Variants in TPP2 observed in about 807,000 individuals in gnomAD.
TPP2 encodes tripeptidyl-peptidase 2.
Under a neutral mutation model 155.9 loss-of-function variants are expected in TPP2, and 34 were observed. The ratio of observed to expected loss-of-function variants is 0.22; its 90% CI spans 0.17 to 0.29. The LOEUF is 0.29. Among genes scored for constraint, TPP2 ranks in the 10% least tolerant of loss-of-function variants. The pLI is 1.00. For missense variants in TPP2, 1,028 were observed against 1,522.3 expected (o/e 0.68, Z 5.40); for synonymous variants, 510 against 529.4 (o/e 0.96, Z 0.50).
At position 102,605,144 on chromosome 13, in the gene TPP2, T is replaced by C. The variant is rs9585952; in HGVS notation, c.294+223T>C. ...ACGGGGTTCCAGTCGCCCTGGAGGT[T>C]GCAAATGGTTAGCCATGGCTGTGAC... On this transcript the variant is annotated intron_variant, in intron 2 of 29. Coordinates refer to ENST00000376052, the MANE Select transcript of TPP2 (RefSeq NM_001330588.2). 3.1e-3 allele frequency among the ~76,000 whole-genome samples: 426 copies of C among 137,438 alleles called. 5 individuals carry two copies. The highest frequency in any genetic ancestry group is 0.011 in the African/African-American group (407 of 35,934). 90.2% of individuals were successfully genotyped at this position (137,438 alleles called of 152,430 possible).
At chr13:102,625,048 CAG>C (rs1441893461) in intron 6 of TPP2, among the ~76,000 whole-genome samples, 1 of 151,160 alleles carries the variant, frequency 6.6e-6, no homozygotes, top group Non-Finnish European at 1.5e-5. Flanking sequence ...TTAGTAGAGA[CAG>C]GGTTTCACCA....
chr13:102,660,236 G>A (rs1884116285), intron 25 of TPP2, among the ~76,000 whole-genome samples: 1 of 151,448 alleles, frequency 6.6e-6, no homozygotes, highest in Non-Finnish European at 1.5e-5. Flanking sequence ...AAATTTAAAT[G>A]TTCATTTAAA....
chr13:102,636,532 C>A, intron 13 of TPP2, 140 bp downstream of exon 13: 3 of 1,120,116 alleles, frequency 2.7e-6, no homozygotes, highest in Non-Finnish European at 3.6e-6. Context: ...AAATCTTAGT[C>A]ATAAGAGAAA....
At chr13:102,676,104 G>A (rs1205634319) in intron 28 of TPP2, among the ~76,000 whole-genome samples, 192 bp from the exon 29 acceptor site, 1 of 152,034 alleles carries the variant, frequency 6.6e-6, no homozygotes, top group African/African-American at 2.4e-5. Flanking sequence ...AAAACAGATG[G>A]TTCATTCTGT....
chr13:102,647,120 A>G, intron 20 of TPP2, 87 bp from the exon 21 acceptor site: 1 of 1,395,606 alleles, frequency 7.2e-7, no homozygotes, highest in Non-Finnish European at 9.4e-7. Flanking sequence ...TTTAAATGAA[A>G]AAGTCTCATG....
intron 2 of TPP2, 89 bp downstream of exon 2, chr13:102,605,010 A>G (rs1879713740): frequency 1.9e-6 from 3 of 1,562,018 alleles, no homozygotes; most frequent in Admixed American, 2.0e-5. Context: ...TGGTGGTGGT[A>G]TTAGTTATCC....
At chr13:102,615,119 G>C (rs1010830889) in intron 3 of TPP2, among the ~76,000 whole-genome samples, 1 of 152,140 alleles carries the variant, frequency 6.6e-6, no homozygotes, top group Non-Finnish European at 1.5e-5. Flanking sequence ...AAGTTACTCA[G>C]ATTACCTTAT....
At chr13:102,633,818 T>C in intron 10 of TPP2, 132 bp from the exon 11 acceptor site, 2 of 1,276,574 alleles carry the variant, frequency 1.6e-6, no homozygotes, top group Admixed American at 2.3e-5. Context: ...GTAGTATCTG[T>C]GTCACTATTT....
intron 20 of TPP2, 93 bp downstream of exon 20, chr13:102,646,483 G>C (rs1883109855): frequency 3.7e-6 from 3 of 818,348 alleles, no homozygotes; most frequent in Non-Finnish European, 5.5e-6. Flanking sequence ...CAGTGTATAT[G>C]GTATATATAA....
intron 1 of TPP2, among the ~76,000 whole-genome samples, chr13:102,602,937 T>C (rs1375729593): frequency 6.6e-6 from 1 of 152,190 alleles, no homozygotes; most frequent in Non-Finnish European, 1.5e-5. Context: ...TTTTGTTTTT[T>C]TTTCAGTCGT....
intron 1 of TPP2, 125 bp from the exon 2 acceptor site, chr13:102,604,668 T>G (rs1879682798): frequency 3.5e-6 from 4 of 1,146,582 alleles, no homozygotes; most frequent in Non-Finnish European, 4.8e-6. Context: ...CTTAAAACAG[T>G]TCAGTTCTCT....
At chr13:102,657,256 C>T (rs749389125) in intron 25 of TPP2, 49 bp downstream of exon 25, 2 of 1,474,090 alleles carry the variant, frequency 1.4e-6, no homozygotes, top group Admixed American at 4.9e-5. Flanking sequence ...GTTCTATTTT[C>T]CCAACTATAA....
At chr13:102,602,902 T>G (rs777308724) in intron 1 of TPP2, among the ~76,000 whole-genome samples, 4 of 151,834 alleles carry the variant, frequency 2.6e-5, no homozygotes, top group Admixed American at 2.0e-4. Flanking sequence ...AGTTTTTTTG[T>G]TTTTTTGTTT....
chr13:102,628,365 T>A (rs1412206476), intron 8 of TPP2, among the ~76,000 whole-genome samples: 1 of 152,202 alleles, frequency 6.6e-6, no homozygotes, highest in Non-Finnish European at 1.5e-5. Flanking sequence ...ACAAGCACTC[T>A]GAAGCCATCC....
chr13:102,625,499 G>A (rs1881548066), intron 6 of TPP2, among the ~76,000 whole-genome samples: 2 of 152,124 alleles, frequency 1.3e-5, no homozygotes, highest in African/African-American at 4.8e-5. Flanking sequence ...ACCTAAAGGG[G>A]CTGTACCCTT....
chr13:102,619,224 C>T (rs1268469184), intron 5 of TPP2, among the ~76,000 whole-genome samples: 1 of 152,138 alleles, frequency 6.6e-6, no homozygotes, highest in East Asian at 1.9e-4. Context: ...GCTGTTGCTG[C>T]TGCTGTTTCT....
chr13:102,629,735 A>G, intron 9 of TPP2, 126 bp downstream of exon 9: 1 of 1,296,368 alleles, frequency 7.7e-7, no homozygotes, highest in African/African-American at 1.5e-5. Flanking sequence ...GTCCTCAGGA[A>G]ACTTATAGTC....
rs139932354 is a variant in TPP2 at position 102,597,111 on chromosome 13, T to G, written c.73T>G (p.Ser25Ala). The change falls in exon 1 of 30, where the codon TCC becomes GCC. Residue 25 changes from serine (S) to alanine (A), a missense_variant. By Grantham distance (99) the Ser-to-Ala change is moderately conservative. This residue lies in a region of TPP2 where 300 missense variants were observed against 398.3 expected (regional missense o/e 0.75). Coordinates refer to ENST00000376052, the MANE Select transcript of TPP2 (RefSeq NM_001330588.2). The stretch of plus-strand genomic sequence containing the variant: ...GCCGAAGAAGGAGACCGGAGCCGCC[T>G]CCTTCCTCTGCCGCTACCCGGAGTA... ...LLPKKETGAA[S>A]FLCRYPEYDG... The G allele has an allele frequency of 2.5e-4, 399 of 1,611,030 alleles. 2 individuals are homozygous for G. The highest frequency in any genetic ancestry group is 3.2e-4 in the Non-Finnish European group (379 of 1,179,148).
intron 2 of TPP2, among the ~76,000 whole-genome samples, chr13:102,609,392 C>CTTTTTTTTTT (rs34845674): frequency 1.3e-5 from 1 of 79,840 alleles, no homozygotes; most frequent in Non-Finnish European, 2.2e-5. Context: ...AAGTGCCATG[C>CTTTTTTTTTT]TTTTTTTTTT....
Sources: gnomAD v4.1 joint callset for allele counts (sites outside exome capture counted in the v4.1 genomes callset) on GRCh38, gnomAD v4.1.1 for gene constraint, gnomAD v4.1.1 regional missense constraint, MANE v1.5 for transcripts, NCBI Gene and HGNC (gene_info 2026-07-23, HGNC 2026-07-21) for gene names.